Variants in PCDHGA6 observed in about 807,000 individuals in gnomAD.
PCDHGA6 encodes the protein protocadherin gamma-A6.
In PCDHGA6, 41 loss-of-function variants were observed where a neutral mutation model predicts 60.6. The observed-to-expected ratio is 0.68, with a 90% CI of 0.53 to 0.88. PCDHGA6 has a LOEUF of 0.88. PCDHGA6 is among the 40% of genes least tolerant of loss of function. The pLI is 0.00. For synonymous variants in PCDHGA6, 594 were observed against 524.4 expected, an observed-to-expected ratio of 1.13 and a Z score of -1.81; for missense variants, 1,312 against 1,203.0, an observed-to-expected ratio of 1.09 and a Z score of -1.34.
rs563283218 is a variant in PCDHGA6, at chr5:141,431,573, G to A, written c.2424+55066G>A. On this transcript the variant is annotated intron_variant, in intron 1 of 3. Coordinates refer to ENST00000517434, the MANE Select transcript of PCDHGA6 (RefSeq NM_018919.3). This position sits in a 1 kb window ranked among gnomAD's most constrained non-coding sequence, Gnocchi z 4.8. ...AGTCAACGCTACCGACCCTGACGAA[G>A]GAGTCAATGCGGAAGTGAGGTATTC... 5.6e-6 allele frequency: 9 copies of A among 1,614,186 alleles called. No homozygotes were observed. The South Asian group carries it at 8.8e-5, about 16-fold the overall frequency.
In PCDHGA6 at chr5:141,485,099, G is replaced by T; in HGVS notation, c.2425-9708G>T. The T allele has an allele frequency of 8.7e-7, 1 of 1,145,218 alleles. No individual in the cohort carries two copies. Among genetic ancestry groups the T allele is most frequent in the Non-Finnish European group, 1.3e-6 (1 of 775,682 alleles). 70.9% of individuals were successfully genotyped at this position (1,145,218 alleles called of 1,614,324 possible). A position where few individuals can be genotyped will look rare whatever the true frequency, so the allele number is the denominator to read the frequency against. ...GGGGAAAGGGAGATAGGTGTCTCCA[G>T]CTGCTGTGGCTGTTTGGGGCGGGTC... On this transcript the variant is annotated intron_variant, in intron 1 of 3. Transcript: ENST00000517434. The surrounding 1 kb of genome is among the most constrained non-coding windows in gnomAD (Gnocchi z 5.7).
chr5:141,405,370 G>T (rs2094649512), intron 1 of PCDHGA6: 1 of 1,606,236 alleles, frequency 6.2e-7, no homozygotes, highest in Non-Finnish European at 8.5e-7. Context: ...ACACCCCTTT[G>T]GTTCCGGTGA....
intron 1 of PCDHGA6, chr5:141,399,389 C>G: frequency 1.2e-6 from 2 of 1,614,024 alleles, no homozygotes; most frequent in East Asian, 2.2e-5. Flanking sequence ...ATCACAGCCA[C>G]AGACAGGGGC....
At chr5:141,414,048 G>A in intron 1 of PCDHGA6, 1 of 1,610,508 alleles carries the variant, frequency 6.2e-7, no homozygotes, top group Non-Finnish European at 8.5e-7. Flanking sequence ...TACCTGACAC[G>A]CAATTGTTGA....
At chr5:141,497,664 C>T (rs779506763) in intron 2 of PCDHGA6, among the ~76,000 whole-genome samples, 14 of 151,904 alleles carry the variant, frequency 9.2e-5, no homozygotes, top group Non-Finnish European at 1.8e-4. Context: ...CTCAGCCTCC[C>T]GAGTAGCTGG....
At chr5:141,464,278 G>GAAAA (rs2099080310) in intron 1 of PCDHGA6, among the ~76,000 whole-genome samples, 1 of 121,594 alleles carries the variant, frequency 8.2e-6, no homozygotes. Context: ...AAAAAAAAAA[G>GAAAA]CAAAAAAAAA....
In PCDHGA6 at chr5:141,419,061, A is replaced by G. The variant is rs747692559; in HGVS notation, c.2424+42554A>G. 5.0e-6 allele frequency: 8 copies of G among 1,613,964 alleles called. No homozygotes were observed. In the Admixed American group the frequency reaches 1.3e-4, roughly 27 times the overall value. ...AAGATTCATTCTTCTTCTAATAATT[A>G]CTACAAGCTAGTAACAGATGAGGCC... On this transcript the variant is annotated intron_variant, in intron 1 of 3. Transcript: ENST00000517434.
chr5:141,399,797 G>C lies in PCDHGA6; in HGVS notation c.2424+23290G>C, dbSNP rs760211919. On this transcript the variant is annotated intron_variant, in intron 1 of 3. Coordinates refer to ENST00000517434, the MANE Select transcript of PCDHGA6 (RefSeq NM_018919.3). ...GGCGACCGAAACGACAACGCACCGC[G>C]GGTGCTGTACCCCGCGCTGGGTCCC... 4.3e-6 allele frequency: 7 copies of C among 1,613,192 alleles called. No homozygotes were observed. In the South Asian group the frequency reaches 7.7e-5, roughly 18 times the overall value.
chr5:141,427,931 G>T (rs1381637805), intron 1 of PCDHGA6: 3 of 1,583,646 alleles, frequency 1.9e-6, no homozygotes, highest in Non-Finnish European at 2.6e-6. Flanking sequence ...GGCGCATGTT[G>T]GTGGGCGACC....
At chr5:141,448,074 G>A (rs1008235342) in intron 1 of PCDHGA6, among the ~76,000 whole-genome samples, 3 of 151,152 alleles carry the variant, frequency 2.0e-5, no homozygotes, top group Admixed American at 1.3e-4. Context: ...CAACATGAAC[G>A]AAATGCCATC....
intron 1 of PCDHGA6, chr5:141,389,589 G>C (rs780685929): frequency 8.1e-6 from 13 of 1,613,168 alleles, no homozygotes; most frequent in Non-Finnish European, 1.1e-5. Context: ...GGGTCCCGAC[G>C]GCTCTGCGCT....
intron 1 of PCDHGA6, chr5:141,398,999 A>C: frequency 6.2e-7 from 1 of 1,613,964 alleles, no homozygotes; most frequent in East Asian, 2.2e-5. Context: ...TTTAGTCTGA[A>C]TTCAAAGAGC....
chr5:141,447,533 G>T (rs2098541881), intron 1 of PCDHGA6, among the ~76,000 whole-genome samples: 1 of 152,120 alleles, frequency 6.6e-6, no homozygotes, highest in South Asian at 2.1e-4. Flanking sequence ...CAAAATTGTT[G>T]GGTTTTAATG....
At chr5:141,404,382 A>G (rs765708858) in intron 1 of PCDHGA6, 27 of 1,613,860 alleles carry the variant, frequency 1.7e-5, no homozygotes, top group South Asian at 1.2e-4. Context: ...GTGATTGCCT[A>G]TGACCCTGAT....
chr5:141,405,195 C>T, intron 1 of PCDHGA6: 1 of 1,613,786 alleles, frequency 6.2e-7, no homozygotes. Context: ...GGGGTTCGAG[C>T]TTTCCTACAG....
intron 1 of PCDHGA6, chr5:141,382,881 C>G (rs780011802): frequency 6.5e-7 from 1 of 1,527,170 alleles, no homozygotes; most frequent in South Asian, 1.3e-5. Context: ...GGCGCCTAAG[C>G]AAGAGAAGCA....
intron 1 of PCDHGA6, chr5:141,420,193 A>G: frequency 6.2e-7 from 1 of 1,613,766 alleles, no homozygotes; most frequent in South Asian, 1.1e-5. Context: ...CAGCCACACA[A>G]GATAACCTCA....
intron 1 of PCDHGA6, among the ~76,000 whole-genome samples, chr5:141,461,288 A>G (rs1049761514): frequency 2.0e-5 from 3 of 152,092 alleles, no homozygotes; most frequent in Admixed American, 1.3e-4. Flanking sequence ...CCCCACATCC[A>G]CACCAACATC....
intron 1 of PCDHGA6, chr5:141,390,523 G>C: frequency 1.8e-6 from 1 of 556,304 alleles, no homozygotes; most frequent in Non-Finnish European, 3.1e-6. Context: ...AGCAATGAGG[G>C]TGTGGTTTTA....
Sources: allele counts gnomAD v4.1 joint callset (sites outside exome capture counted in the v4.1 genomes callset), GRCh38; gene constraint gnomAD v4.1.1; non-coding constraint Gnocchi (gnomAD v3.1); transcripts MANE v1.5; gene names NCBI Gene and HGNC (gene_info 2026-07-23, HGNC 2026-07-21).